Variants in ADH7 observed in about 807,000 individuals in gnomAD.
The protein encoded by ADH7 is all-trans-retinol dehydrogenase [NAD(+)] ADH7.
In ADH7, 41 loss-of-function variants were observed where a neutral mutation model predicts 34.4. That is an observed-to-expected ratio of 1.19 (90% CI 0.93 to 1.55). ADH7 has a LOEUF of 1.55. Among genes scored for constraint, ADH7 ranks in the 40% most tolerant of loss-of-function variants. The probability of loss-of-function intolerance (pLI) is 0.00; values close to 1 mark genes in which losing one functional copy is unlikely to be tolerated. For missense variants in ADH7, 540 were observed against 461.2 expected, an observed-to-expected ratio of 1.17 and a Z score of -1.56; for synonymous variants, 180 against 160.9, an observed-to-expected ratio of 1.12 and a Z score of -0.90.
At position 99,420,841 on chromosome 4, in the gene ADH7, G is replaced by A. The variant is rs1270873916; in HGVS notation, c.565-48C>T. On this transcript the variant is annotated intron_variant, in intron 5 of 8. Transcript: ENST00000437033. ...ACATGTTAGGTGTTAGGGTCAAAAA[G>A]TGAAACCTGAAAAGGGCCTCCAGTT... The A allele has an allele frequency of 1.9e-6, 3 of 1,583,182 alleles. No individual in the cohort carries two copies. The African/African-American group carries it at 4.1e-5, about 21-fold the overall frequency.
intron 5 of ADH7, among the ~76,000 whole-genome samples, chr4:99,426,386 C>T (rs1721805560): frequency 6.6e-6 from 1 of 152,046 alleles, no homozygotes; most frequent in African/African-American, 2.4e-5. Context: ...ATATCACCAC[C>T]AATCCCACAG....
intron 1 of ADH7, chr4:99,434,881 T>C (rs1038850839): frequency 5.9e-6 from 4 of 676,022 alleles, no homozygotes; most frequent in African/African-American, 1.8e-5. Flanking sequence ...ACTGAGACGA[T>C]TGAAGTGTCC....
At chr4:99,415,831 A>C (rs537225266) in intron 7 of ADH7, 115 of 343,136 alleles carry the variant, frequency 3.4e-4, no homozygotes, top group Non-Finnish European at 3.1e-4. Flanking sequence ...AGGGACATGG[A>C]TGAAGCTGGA....
At position 99,412,335 on chromosome 4, in the gene ADH7, G is replaced by A. The variant is rs1380390978; in HGVS notation, c.*813C>T. 6.6e-6 allele frequency: 1 copy of A among 151,970 alleles called. No individual in the cohort carries two copies. The highest frequency in any genetic ancestry group is 1.9e-4 in the East Asian group (1 of 5,196). 9.4% of individuals were successfully genotyped at this position (151,970 alleles called of 1,614,324 possible). A position where few individuals can be genotyped will look rare whatever the true frequency, so the allele number is the denominator to read the frequency against. The stretch of plus-strand genomic sequence containing the variant: ...TATATATAGATACATCAGTGTAGTT[G>A]TTAAAAACTAAAAACACTTTTTATT... On this transcript the variant is annotated 3_prime_UTR_variant, in exon 9 of 9. Coordinates refer to ENST00000437033, the MANE Select transcript of ADH7 (RefSeq NM_000673.7).
chr4:99,415,404 A>C, intron 8 of ADH7, 74 bp downstream of exon 8: 1 of 1,417,232 alleles, frequency 7.1e-7, no homozygotes, highest in Non-Finnish European at 9.8e-7. Context: ...TGAAGAAAAC[A>C]GGCACATTTA....
intron 1 of ADH7, 38 bp downstream of exon 1, chr4:99,435,178 A>G (rs760415469): frequency 1.2e-6 from 2 of 1,607,378 alleles, no homozygotes; most frequent in South Asian, 2.2e-5. Context: ...TCACATCATT[A>G]GGTCATGATG....
In ADH7 at chr4:99,435,235, C is replaced by T. The variant is rs774542903; in HGVS notation, c.-2G>A. The stretch of plus-strand genomic sequence containing the variant: ...ACTTACTTTTCCAGCAGTGCCCATC[C>T]TGTCTTTGTCTTGGATCTGTATTTC... On this transcript the variant is annotated 5_prime_UTR_variant, in exon 1 of 9. Coordinates refer to ENST00000437033, the MANE Select transcript of ADH7 (RefSeq NM_000673.7). 5 of 1,613,440 alleles carry T rather than the reference C, an allele frequency of 3.1e-6. No individual in the cohort carries two copies. Among genetic ancestry groups the T allele is most frequent in the Non-Finnish European group, 4.2e-6 (5 of 1,179,728 alleles).
At chr4:99,428,228 A>C in intron 3 of ADH7, 54 bp from the exon 4 acceptor site, 1 of 1,506,306 alleles carries the variant, frequency 6.6e-7, no homozygotes, top group Non-Finnish European at 9.2e-7. Flanking sequence ...TAAAATATGA[A>C]ATTAACAAAT....
At chr4:99,418,964 C>T (rs991610529) in intron 7 of ADH7, 22 bp downstream of exon 7, 1 of 1,612,310 alleles carries the variant, frequency 6.2e-7, no homozygotes, top group Non-Finnish European at 8.5e-7. Context: ...CACTCCCCAT[C>T]CAGAGGCTTT....
Position 99,415,616 on chromosome 4 carries a change from C to T in ADH7, c.962G>A (p.Gly321Asp). The change falls in exon 8 of 9, where the codon GGT becomes GAT. Residue 321 changes from glycine (G) to aspartate (D), a missense_variant and splice_region_variant. Transcript: ENST00000437033. ...GRTWKGCVFG[G>D]LKSRDDVPKL... The stretch of plus-strand genomic sequence containing the variant: ...TGGGACATCATCTCTGCTTTTCAAA[C>T]CTGCAAATAAGCACACATTTTCTCT... 1 of 1,611,974 alleles carries T rather than the reference C, an allele frequency of 6.2e-7. No individual in the cohort carries two copies. Among genetic ancestry groups the T allele is most frequent in the Non-Finnish European group, 8.5e-7 (1 of 1,179,068 alleles).
At position 99,435,197 on chromosome 4, in the gene ADH7, A is replaced by G. The variant is rs1722019889; in HGVS notation, c.18+19T>C. 1 of 1,611,876 alleles carries G rather than the reference A, an allele frequency of 6.2e-7. No individual in the cohort carries two copies. Among genetic ancestry groups the G allele is most frequent in the Admixed American group, 1.7e-5 (1 of 59,720 alleles). ...ATCATTAGGTCATGATGAGGAGGGG[A>G]CAGAAATGTTCCACTTACTTTTCCA... On this transcript the variant is annotated intron_variant, in intron 1 of 8. Coordinates refer to ENST00000437033, the MANE Select transcript of ADH7 (RefSeq NM_000673.7).
intron 7 of ADH7, among the ~76,000 whole-genome samples, chr4:99,416,521 A>G (rs945707485): frequency 2.0e-5 from 3 of 152,136 alleles, no homozygotes; most frequent in African/African-American, 7.2e-5. Flanking sequence ...CATCGTCATC[A>G]TCATTGTCAC....
intron 3 of ADH7, 109 bp downstream of exon 3, chr4:99,428,383 C>A: frequency 2.2e-6 from 3 of 1,390,514 alleles, no homozygotes; most frequent in Non-Finnish European, 2.0e-6. Context: ...TTTTAATTCC[C>A]TGAATTGTGT....
chr4:99,422,571 C>T (rs539584105), intron 5 of ADH7, among the ~76,000 whole-genome samples: 10 of 152,086 alleles, frequency 6.6e-5, no homozygotes, highest in East Asian at 3.9e-4. Context: ...CCATGGCGCA[C>T]GTATACCTGT....
At position 99,413,007 on chromosome 4, in the gene ADH7, T is replaced by C. The variant is rs996848012; in HGVS notation, c.*141A>G. 1.3e-6 allele frequency: 1 copy of C among 773,822 alleles called. No homozygotes were observed. The highest frequency in any genetic ancestry group is 2.1e-6 in the Non-Finnish European group (1 of 477,840). The allele number at this position is 773,822 out of a possible 1,614,324, so 47.9% of individuals were successfully genotyped here. A position where few individuals can be genotyped will look rare whatever the true frequency, so the allele number is the denominator to read the frequency against. On this transcript the variant is annotated 3_prime_UTR_variant, in exon 9 of 9. Transcript: ENST00000437033. Reference sequence around the variant, plus strand: ...AAATGTTTATAAAGGTTAATAATTCTTTATAAGGGTTCTATGTCTTCAACA... The same window carrying C: ...AAATGTTTATAAAGGTTAATAATTCCTTATAAGGGTTCTATGTCTTCAACA...
intron 5 of ADH7, among the ~76,000 whole-genome samples, chr4:99,422,229 A>G (rs1472583643): frequency 6.6e-6 from 1 of 152,242 alleles, no homozygotes. Context: ...CACTATTTAC[A>G]ATAGCAAAGA....
In ADH7 at chr4:99,420,623, G is replaced by T. The variant is rs758303843; in HGVS notation, c.735C>A (p.Asp245Glu). ...GCACCTCACTGATGGGTTTGGTAGA[G>T]TCCTTGGGACTGATACACTCAGTGG... The part of the protein sequence containing the change: ...VGATECISPK[D>E]STKPISEVLS... Residue 245 changes from aspartate to glutamate, a missense_variant, in exon 6 of 9, where the codon GAC becomes GAA. By Grantham distance (45) the Asp-to-Glu change is conservative. Transcript: ENST00000437033. The T allele has an allele frequency of 1.9e-6, 3 of 1,613,782 alleles. No homozygotes were observed. Among genetic ancestry groups the T allele is most frequent in the Non-Finnish European group, 2.5e-6 (3 of 1,179,930 alleles).
chr4:99,430,637 T>C (rs1189098361), intron 1 of ADH7, among the ~76,000 whole-genome samples: 1 of 152,142 alleles, frequency 6.6e-6, no homozygotes, highest in East Asian at 1.9e-4. Context: ...TGGTAACAGA[T>C]GGGCGGCTGA....
rs113993320 is a variant in ADH7 at position 99,420,661 on chromosome 4, T to C, written c.697A>G (p.Met233Val). 6.8e-4 allele frequency: 1,090 copies of C among 1,613,958 alleles called. 9 individuals carry two copies. The African/African-American group carries it at 0.012, about 18-fold the overall frequency. The change falls in exon 6 of 9, where the codon ATG becomes GTG. Residue 233 changes from methionine to valine, a missense_variant. By Grantham distance (21) the Met-to-Val change is conservative. Transcript: ENST00000437033. Reference protein sequence around the residue: ...DLNKDKFEKAMAVGATECISP... With the variant: ...DLNKDKFEKAVAVGATECISP... ...ATACACTCAGTGGCACCTACAGCCA[T>C]GGCCTTCTCAAATTTGTCTTTGTTG...
Sources: allele counts gnomAD v4.1 joint callset (sites outside exome capture counted in the v4.1 genomes callset), GRCh38; gene constraint gnomAD v4.1.1; transcripts MANE v1.5; gene names NCBI Gene and HGNC (gene_info 2026-07-23, HGNC 2026-07-21).